The following PEPD variants were observed in gnomAD, a reference collection of about 807,000 sequenced individuals.
The protein encoded by PEPD is peptidase D.
PEPD carries 53 observed loss-of-function variants against 60.7 expected under a neutral mutation model. That is an observed-to-expected ratio of 0.87 (90% CI 0.70 to 1.10). The LOEUF (loss-of-function observed/expected upper bound fraction) is 1.10. Among genes scored for constraint, PEPD ranks in the 50% least tolerant of loss-of-function variants. The pLI is 0.00. For missense variants in PEPD, 711 were observed against 711.9 expected (o/e 1.00, Z 0.01); for synonymous variants, 267 against 284.1 (o/e 0.94, Z 0.60).
At chr19:33,441,945 G>C (rs1479273795) in intron 9 of PEPD, among the ~76,000 whole-genome samples, 3 of 152,280 alleles carry the variant, frequency 2.0e-5, no homozygotes, top group Non-Finnish European at 4.4e-5. Flanking sequence ...GTTGGAAGAA[G>C]CAGGTCTCCT....
intron 14 of PEPD, 53 bp downstream of exon 14, chr19:33,387,837 C>T: frequency 2.2e-6 from 3 of 1,389,258 alleles, no homozygotes; most frequent in South Asian, 1.2e-5. Flanking sequence ...TCTGCAGCTG[C>T]AGTGGAGGTG....
chr19:33,453,214 T>A (rs1568479344), intron 9 of PEPD, among the ~76,000 whole-genome samples: 1 of 152,036 alleles, frequency 6.6e-6, no homozygotes, highest in East Asian at 1.9e-4. Context: ...CTCCAGAGGC[T>A]GAGGGGGGAA....
intron 9 of PEPD, among the ~76,000 whole-genome samples, chr19:33,432,384 G>A (rs1224010853): frequency 1.3e-4 from 20 of 152,164 alleles, no homozygotes. Flanking sequence ...GTCTCCTCTG[G>A]CTAAACACTC....
chr19:33,517,575 A>G (rs1370269287), intron 1 of PEPD, among the ~76,000 whole-genome samples: 1 of 151,742 alleles, frequency 6.6e-6, no homozygotes, highest in Non-Finnish European at 1.5e-5. Context: ...AACAAAAAAC[A>G]AAAAACAAAA....
At chr19:33,507,562 G>A (rs541937030) in intron 3 of PEPD, among the ~76,000 whole-genome samples, 1 of 152,128 alleles carries the variant, frequency 6.6e-6, no homozygotes, top group South Asian at 2.1e-4. Flanking sequence ...GGCGACTTTG[G>A]ATTGCAGTAT....
rs779176595 is a variant in PEPD at position 33,490,097 on chromosome 19, T to C, written c.442-40A>G. Reference sequence around the variant, plus strand: ...CACAGACATGACACACGGGGCCGCATGGCGCCCCCACAGCCTGCACCCCTG... The same window carrying C: ...CACAGACATGACACACGGGGCCGCACGGCGCCCCCACAGCCTGCACCCCTG... On this transcript the variant is annotated intron_variant, in intron 5 of 14. Transcript: ENST00000244137. 14 of 1,480,910 alleles carry C rather than the reference T, an allele frequency of 9.5e-6. No individual in the cohort carries two copies. In the Admixed American group the frequency reaches 1.4e-4, roughly 14 times the overall value. 91.7% of individuals were successfully genotyped at this position (1,480,910 alleles called of 1,614,324 possible). A position where few individuals can be genotyped will look rare whatever the true frequency, so the allele number is the denominator to read the frequency against.
At chr19:33,454,212 G>A (rs180676618) in intron 9 of PEPD, among the ~76,000 whole-genome samples, 6 of 152,288 alleles carry the variant, frequency 3.9e-5, no homozygotes, top group Non-Finnish European at 8.8e-5. Context: ...GGAGTCAAAC[G>A]AAAGAGCCCT....
At chr19:33,449,311 T>C (rs765657101) in intron 9 of PEPD, among the ~76,000 whole-genome samples, 1 of 152,166 alleles carries the variant, frequency 6.6e-6, no homozygotes, top group Admixed American at 6.5e-5. Flanking sequence ...CCTGAGCAAT[T>C]TCAGCAGAGC....
intron 1 of PEPD, among the ~76,000 whole-genome samples, chr19:33,520,857 T>C (rs1247639911): frequency 6.6e-6 from 1 of 152,060 alleles, no homozygotes; most frequent in African/African-American, 2.4e-5. Context: ...GGGAGCCTAA[T>C]CTTTAAAAAA....
chr19:33,410,091 C>T (rs1207632788), intron 11 of PEPD, among the ~76,000 whole-genome samples: 1 of 152,248 alleles, frequency 6.6e-6, no homozygotes, highest in African/African-American at 2.4e-5. Context: ...GAACCAGGAT[C>T]CGTGGAGCCA....
chr19:33,430,795 C>T (rs931004765), intron 9 of PEPD, among the ~76,000 whole-genome samples: 9 of 152,174 alleles, frequency 5.9e-5, no homozygotes, highest in African/African-American at 1.9e-4. Flanking sequence ...GTGGACACAG[C>T]GCACACTCCC....
At chr19:33,419,815 G>A (rs1319060239) in intron 9 of PEPD, among the ~76,000 whole-genome samples, 2 of 151,912 alleles carry the variant, frequency 1.3e-5, no homozygotes, top group East Asian at 1.9e-4. Context: ...AGTCCTGGGC[G>A]AAGGAGCCCC....
chr19:33,463,825 A>G (rs1207161573), intron 8 of PEPD, among the ~76,000 whole-genome samples, 162 bp downstream of exon 8: 1 of 152,202 alleles, frequency 6.6e-6, no homozygotes, highest in African/African-American at 2.4e-5. Context: ...CCCTGTGCCC[A>G]CCAGGGAACA....
chr19:33,433,213 C>T (rs1600110665), intron 9 of PEPD, among the ~76,000 whole-genome samples: 2 of 152,342 alleles, frequency 1.3e-5, no homozygotes, highest in Middle Eastern at 6.8e-3. Flanking sequence ...CCAGCAACTT[C>T]ACTAAGGAAG....
chr19:33,457,355 C>G lies in PEPD; in HGVS notation c.671+5640G>C, dbSNP rs367869840. On this transcript the variant is annotated intron_variant, in intron 9 of 14. Transcript: ENST00000244137. ...CTGAGGCGGGAGGATCACTTGAGCC[C>G]GGGAGGCAGAGATTGCAGCAAGCAG... 1.2e-3 allele frequency among the ~76,000 whole-genome samples: 186 copies of G among 152,212 alleles called. 1 individual carries two copies. Among genetic ancestry groups the G allele is most frequent in the African/African-American group, 4.2e-3 (174 of 41,560 alleles).
chr19:33,509,859 G>GGC (rs1467773270), intron 3 of PEPD, among the ~76,000 whole-genome samples: 1 of 152,150 alleles, frequency 6.6e-6, no homozygotes, highest in East Asian at 1.9e-4. Flanking sequence ...GGAGTACCTG[G>GGC]AACAGCAGGC....
intron 9 of PEPD, among the ~76,000 whole-genome samples, chr19:33,440,425 C>T (rs1403658584): frequency 2.6e-5 from 4 of 152,116 alleles, no homozygotes; most frequent in Non-Finnish European, 4.4e-5. Context: ...GCTCGCTGCT[C>T]CTGACCTGGC....
chr19:33,405,109 A>G (rs1174049904), intron 11 of PEPD, among the ~76,000 whole-genome samples: 1 of 152,206 alleles, frequency 6.6e-6, no homozygotes, highest in African/African-American at 2.4e-5. Flanking sequence ...GCATCTCCAA[A>G]CAACGTGCTG....
chr19:33,473,951 G>T (rs922447933), intron 7 of PEPD, among the ~76,000 whole-genome samples: 5 of 152,216 alleles, frequency 3.3e-5, no homozygotes, highest in Non-Finnish European at 5.9e-5. Flanking sequence ...AATGACAGCC[G>T]AACAAAAATG....
Sources: allele counts gnomAD v4.1 joint callset (sites outside exome capture counted in the v4.1 genomes callset), GRCh38; gene constraint gnomAD v4.1.1; transcripts MANE v1.5; gene names NCBI Gene and HGNC (gene_info 2026-07-23, HGNC 2026-07-21).